DMXL2: variants seen among roughly 807,000 people sequenced by gnomAD.
DMXL2 encodes dmX-like protein 2.
In DMXL2, 103 loss-of-function variants were observed where a neutral mutation model predicts 331.1. The ratio of observed to expected loss-of-function variants is 0.31; its 90% CI spans 0.27 to 0.37. DMXL2 has a LOEUF of 0.37. Among genes scored for constraint, DMXL2 ranks in the 10% least tolerant of loss-of-function variants. The pLI, the probability that DMXL2 is intolerant of heterozygous loss-of-function variation, is 1.00. For missense variants in DMXL2, 3,171 were observed against 3,642.9 expected (o/e 0.87, Z 3.33); for synonymous variants, 1,281 against 1,252.1 (o/e 1.02, Z -0.49).
chr15:51,566,232 G>GTGT (rs2050266946), intron 3 of DMXL2, among the ~76,000 whole-genome samples: 5 of 144,728 alleles, frequency 3.5e-5, no homozygotes, highest in African/African-American at 1.3e-4. Flanking sequence ...GTGTGTGTGG[G>GTGT]GTGTGTGTGT....
At chr15:51,583,252 A>C in intron 1 of DMXL2, among the ~76,000 whole-genome samples, 1 of 95,726 alleles carries the variant, frequency 1.0e-5, no homozygotes. Flanking sequence ...CATTAGGTAT[A>C]TCTCCCAATG....
At chr15:51,467,828 G>A (rs980196557) in intron 29 of DMXL2, among the ~76,000 whole-genome samples, 9 of 151,370 alleles carry the variant, frequency 5.9e-5, no homozygotes, top group Non-Finnish European at 1.2e-4. Flanking sequence ...CCGGGTTCAC[G>A]CCATTCTCCT....
rs561247042 is a variant in DMXL2 at position 51,535,648 on chromosome 15, T to A, written c.2436+15A>T. On this transcript the variant is annotated intron_variant, in intron 13 of 43. Coordinates refer to ENST00000560891, the MANE Select transcript of DMXL2 (RefSeq NM_001378457.1). ...ATCTCCTTAGATAAATTAATAAAGA[T>A]TATTAAATACTTACTGAAGATTCTG... The A allele has an allele frequency of 8.3e-6, 13 of 1,575,094 alleles. No homozygotes were observed. Among genetic ancestry groups the A allele is most frequent in the African/African-American group, 1.4e-5 (1 of 72,336 alleles).
At chr15:51,621,466 T>C (rs2054620011) in intron 1 of DMXL2, among the ~76,000 whole-genome samples, 1 of 152,174 alleles carries the variant, frequency 6.6e-6, no homozygotes, top group South Asian at 2.1e-4. Flanking sequence ...ACAAAATATA[T>C]TTAATAAAGG....
At chr15:51,487,924 G>A in intron 22 of DMXL2, 30 bp downstream of exon 22, 1 of 1,551,064 alleles carries the variant, frequency 6.4e-7, no homozygotes, top group Non-Finnish European at 8.7e-7. Flanking sequence ...TCTTTTACAA[G>A]TATTATATAG....
Position 51,480,854 on chromosome 15 carries a change from C to T in DMXL2, c.6252G>A (p.Leu2084=), listed in dbSNP as rs1199782092. Residue 2084 remains leucine, a synonymous_variant, in exon 24 of 44, where the codon TTG becomes TTA. Coordinates refer to ENST00000560891, the MANE Select transcript of DMXL2 (RefSeq NM_001378457.1). ...CTGATTCATGATTACATATCTCATGCAAGGCAGCAATTTCCTTTTCAAGCC... is the reference window on the plus strand; with the variant it reads ...CTGATTCATGATTACATATCTCATGTAAGGCAGCAATTTCCTTTTCAAGCC... ...YNWLEKEIAA[L]HEICNHESVI... The T allele has an allele frequency of 1.2e-6, 2 of 1,612,918 alleles. No individual in the cohort carries two copies. The highest frequency in any genetic ancestry group is 3.3e-5 in the Admixed American group (2 of 59,800).
At chr15:51,544,630 T>C (rs1237818668) in intron 8 of DMXL2, among the ~76,000 whole-genome samples, 5 of 152,176 alleles carry the variant, frequency 3.3e-5, no homozygotes, top group Non-Finnish European at 5.9e-5. Context: ...CTTGGTAAAA[T>C]GGCAAAGCCA....
intron 2 of DMXL2, among the ~76,000 whole-genome samples, chr15:51,574,595 A>G (rs962207565): frequency 2.0e-5 from 3 of 152,218 alleles, no homozygotes; most frequent in Non-Finnish European, 4.4e-5. Flanking sequence ...ATTCCATTCA[A>G]CATGTCAATC....
chr15:51,586,929 T>C (rs1205305619), intron 1 of DMXL2, among the ~76,000 whole-genome samples: 1 of 151,414 alleles, frequency 6.6e-6, no homozygotes, highest in Non-Finnish European at 1.5e-5. Flanking sequence ...TAATAACTAT[T>C]TATATGTCAG....
At chr15:51,473,440 A>C (rs1281886317) in intron 28 of DMXL2, among the ~76,000 whole-genome samples, 1 of 152,232 alleles carries the variant, frequency 6.6e-6, no homozygotes, top group Non-Finnish European at 1.5e-5. Context: ...TTAAGTTTAA[A>C]GTGGACTATA....
At chr15:51,473,874 A>ATGAT (rs1229237659) in intron 28 of DMXL2, among the ~76,000 whole-genome samples, 1 of 152,240 alleles carries the variant, frequency 6.6e-6, no homozygotes, top group African/African-American at 2.4e-5. Flanking sequence ...AACTGTGTGT[A>ATGAT]TGATTGGAAT....
chr15:51,614,308 A>G (rs2054155889), intron 1 of DMXL2, among the ~76,000 whole-genome samples: 1 of 152,206 alleles, frequency 6.6e-6, no homozygotes, highest in Non-Finnish European at 1.5e-5. Flanking sequence ...CCCAGTCTGT[A>G]TTATTTTGTT....
intron 9 of DMXL2, among the ~76,000 whole-genome samples, chr15:51,539,007 C>T (rs890600613): frequency 1.1e-4 from 17 of 151,790 alleles, no homozygotes; most frequent in African/African-American, 3.6e-4. Flanking sequence ...CTCAGGAGAT[C>T]GAGACCAGCC....
At chr15:51,505,942 TTGTTTTTAAAAAATC>T (rs2046371460) in intron 16 of DMXL2, among the ~76,000 whole-genome samples, 1 of 152,238 alleles carries the variant, frequency 6.6e-6, no homozygotes, top group Non-Finnish European at 1.5e-5. Flanking sequence ...AAGGAAAAGT[TTGTTTTTAAAAAATC>T]TGTGATCAAT....
At chr15:51,497,098 A>G (rs1357055700) in intron 18 of DMXL2, among the ~76,000 whole-genome samples, 3 of 152,214 alleles carry the variant, frequency 2.0e-5, no homozygotes, top group Non-Finnish European at 4.4e-5. Flanking sequence ...AACACACAAC[A>G]CAAGCTTAAG....
chr15:51,530,867 G>A (rs1387371945), intron 13 of DMXL2, among the ~76,000 whole-genome samples: 1 of 152,082 alleles, frequency 6.6e-6, no homozygotes, highest in Non-Finnish European at 1.5e-5. Flanking sequence ...GTAAAACACT[G>A]ATGAAAGAAA....
chr15:51,547,674 T>C (rs538432548), intron 6 of DMXL2, among the ~76,000 whole-genome samples: 2 of 152,144 alleles, frequency 1.3e-5, no homozygotes, highest in South Asian at 4.1e-4. Context: ...TAGACATAAA[T>C]TGGTCAGTAC....
chr15:51,453,618 G>T lies in DMXL2; in HGVS notation c.8628C>A (p.Ala2876=), dbSNP rs1309386867. ...AGGTAATAAATGCAAAGTCACTTGT[G>T]GCTTTACTGTGGCACTGCCAACTCT... is the stretch of plus-strand genomic sequence containing the variant. ...PYMSWQCHSK[A]TSDFAFITSS... Residue 2876 remains alanine (A), a synonymous_variant, in exon 41 of 44, where the codon GCC becomes GCA. Transcript: ENST00000560891. 2 of 1,613,552 alleles carry T rather than the reference G, an allele frequency of 1.2e-6. 1 individual carries two copies. The highest frequency in any genetic ancestry group is 2.2e-5 in the South Asian group (2 of 91,022).
rs1450316581 is a variant in DMXL2, at chr15:51,493,896, CTTCT to C, written c.4783+1124_4783+1127del. 3.9e-5 allele frequency among the ~76,000 whole-genome samples: 6 copies of C among 152,104 alleles called. 1 individual carries two copies. Among genetic ancestry groups the C allele is most frequent in the Non-Finnish European group, 8.8e-5 (6 of 68,006 alleles). The stretch of plus-strand genomic sequence containing the variant: ...GGGGTTGAGATTTGGCATCATCAAA[CTTCT>C]TTTTTATTTTATATTTTTTATAATT... On this transcript the variant is annotated intron_variant, in intron 19 of 43. Coordinates refer to ENST00000560891, the MANE Select transcript of DMXL2 (RefSeq NM_001378457.1).
Sources: allele counts gnomAD v4.1 joint callset (sites outside exome capture counted in the v4.1 genomes callset), GRCh38; gene constraint gnomAD v4.1.1; transcripts MANE v1.5; gene names NCBI Gene and HGNC (gene_info 2026-07-23, HGNC 2026-07-21).